Variants in CACNA1C observed in about 807,000 individuals in gnomAD.
CACNA1C encodes calcium voltage-gated channel subunit alpha1 C.
CACNA1C carries 30 observed loss-of-function variants against 229.0 expected under a neutral mutation model. The ratio of observed to expected loss-of-function variants is 0.13; its 90% CI spans 0.10 to 0.18. The LOEUF is 0.18. CACNA1C is among the 10% of genes least tolerant of loss of function. The pLI is 1.00. For missense variants in CACNA1C, 1,658 were observed against 2,845.0 expected (o/e 0.58, Z 9.49); for synonymous variants, 1,114 against 1,132.5 (o/e 0.98, Z 0.33).
intron 18 of CACNA1C, among the ~76,000 whole-genome samples, chr12:2,586,536 C>T (rs1160947830): frequency 6.6e-6 from 1 of 152,200 alleles, no homozygotes. Context: ...TGTGCAAGGC[C>T]TGGGCTTGCC....
At chr12:2,397,449 G>A (rs973420010) in intron 3 of CACNA1C, among the ~76,000 whole-genome samples, 19 of 152,232 alleles carry the variant, frequency 1.2e-4, no homozygotes, top group African/African-American at 4.6e-4. Flanking sequence ...GAGCTTTCAC[G>A]CTCTAGGAGC....
At chr12:2,188,201 C>T (rs79095696) in intron 3 of CACNA1C, among the ~76,000 whole-genome samples, 2,788 of 152,236 alleles carry the variant, frequency 0.018, 86 homozygotes, top group African/African-American at 0.062. Context: ...TCTGCCTTTC[C>T]GCATATCAAA....
chr12:2,146,970 C>T (rs1159201393), intron 3 of CACNA1C, among the ~76,000 whole-genome samples: 2 of 151,024 alleles, frequency 1.3e-5, no homozygotes, highest in Non-Finnish European at 3.0e-5. Context: ...CTTCCAGACA[C>T]AGGCAAAGGA....
At chr12:2,095,560 C>T (rs955544781) in intron 1 of CACNA1C, among the ~76,000 whole-genome samples, 1 of 152,244 alleles carries the variant, frequency 6.6e-6, no homozygotes, top group Non-Finnish European at 1.5e-5. Flanking sequence ...AGAATCCGGG[C>T]AGCACTGTAA....
Position 2,678,839 on chromosome 12 carries a change from C to T in CACNA1C, c.5092-605C>T, listed in dbSNP as rs2096959488. On this transcript the variant is annotated intron_variant, in intron 41 of 46. Coordinates refer to ENST00000399655, the MANE Select transcript of CACNA1C (RefSeq NM_000719.7). The surrounding 1 kb of genome is among the most constrained non-coding windows in gnomAD (Gnocchi z 4.1). ...ACAACCGTGCAAATAGCTACTTGCC[C>T]ACTTCCCCAGGACAAGGAAAAGAAT... Among the ~76,000 whole-genome samples the T allele has an allele frequency of 6.6e-6, 1 of 152,246 alleles. No individual in the cohort carries two copies. The highest frequency in any genetic ancestry group is 1.5e-5 in the Non-Finnish European group (1 of 68,048).
intron 1 of CACNA1C, among the ~76,000 whole-genome samples, chr12:2,097,349 T>G (rs1489560849): frequency 6.6e-6 from 1 of 151,912 alleles, no homozygotes; most frequent in Admixed American, 6.5e-5. Context: ...GGTTTCACCA[T>G]GTTAGCCAGG....
At chr12:2,187,915 C>T (rs570002089) in intron 3 of CACNA1C, among the ~76,000 whole-genome samples, 73 of 152,274 alleles carry the variant, frequency 4.8e-4, no homozygotes, top group Middle Eastern at 6.8e-3. Flanking sequence ...GAGCTGAGGG[C>T]GAGGAGGATG....
At chr12:2,176,871 G>A (rs1258861395) in intron 3 of CACNA1C, among the ~76,000 whole-genome samples, 5 of 152,264 alleles carry the variant, frequency 3.3e-5, no homozygotes, top group East Asian at 1.9e-4. Flanking sequence ...CTTTTGGACC[G>A]TCTTTACCAT....
At position 2,688,790 on chromosome 12, in the gene CACNA1C, C is replaced by T. The variant is rs1360974120; in HGVS notation, c.6117+11C>T. 7 of 1,495,784 alleles carry T rather than the reference C, an allele frequency of 4.7e-6. No homozygotes were observed. The highest frequency in any genetic ancestry group is 4.8e-5 in the East Asian group (2 of 41,282). 92.7% of individuals were successfully genotyped at this position (1,495,784 alleles called of 1,614,324 possible). ...AGCCTGGTGGAAGCGGTAGGTGACT[C>T]GCAGATGGGCAGGGGGGAGAGGCCA... On this transcript the variant is annotated intron_variant, in intron 46 of 46. Transcript: ENST00000399655.
At chr12:2,395,209 CTTT>C (rs5796003) in intron 3 of CACNA1C, among the ~76,000 whole-genome samples, 1 of 128,104 alleles carries the variant, frequency 7.8e-6, no homozygotes. Context: ...TTTTCTCTAG[CTTT>C]TTTTTTTTTT....
chr12:2,419,165 A>G (rs998667505), intron 3 of CACNA1C, among the ~76,000 whole-genome samples: 1 of 152,178 alleles, frequency 6.6e-6, no homozygotes, highest in African/African-American at 2.4e-5. Context: ...TGGGTAATTT[A>G]TAAGAAAAGA....
chr12:2,422,668 C>T (rs1397371302), intron 3 of CACNA1C, among the ~76,000 whole-genome samples: 1 of 152,226 alleles, frequency 6.6e-6, no homozygotes, highest in Admixed American at 6.5e-5. Flanking sequence ...TGAGTGCTAA[C>T]TCGTGTGGCC....
rs2153709181 is a variant in CACNA1C, at chr12:2,665,500, G to C, written c.4399-81G>C. ...GAAATGTTGGCTTCTGCCATCAGTA[G>C]GCCCCAGCTGGCAAGGGGGTTCCAG... On this transcript the variant is annotated intron_variant, in intron 35 of 46. Transcript: ENST00000399655. This position sits in a 1 kb window ranked among gnomAD's most constrained non-coding sequence, Gnocchi z 5.9. 1.3e-6 allele frequency: 2 copies of C among 1,492,840 alleles called. No individual in the cohort carries two copies. The highest frequency in any genetic ancestry group is 1.9e-6 in the Non-Finnish European group (2 of 1,079,304). The allele number at this position is 1,492,840 out of a possible 1,614,324, so 92.5% of individuals were successfully genotyped here. A position where few individuals can be genotyped will look rare whatever the true frequency, so the allele number is the denominator to read the frequency against.
intron 3 of CACNA1C, among the ~76,000 whole-genome samples, chr12:2,210,424 C>T (rs1448300159): frequency 6.6e-6 from 1 of 152,140 alleles, no homozygotes; most frequent in Non-Finnish European, 1.5e-5. Flanking sequence ...AAGACTTATG[C>T]CCTCTTTCTT....
intron 3 of CACNA1C, among the ~76,000 whole-genome samples, chr12:2,356,601 A>G (rs1369093238): frequency 1.3e-5 from 2 of 152,230 alleles, no homozygotes; most frequent in East Asian, 3.9e-4. Flanking sequence ...TTGTGTGAGC[A>G]CTCTGGTGAG....
intron 1 of CACNA1C, among the ~76,000 whole-genome samples, chr12:2,035,477 T>G (rs1594127060): frequency 6.6e-6 from 1 of 152,044 alleles, no homozygotes; most frequent in East Asian, 1.9e-4. Flanking sequence ...AAATAGACAT[T>G]TCCATTTCTT....
At chr12:2,327,602 G>A (rs907386131) in intron 3 of CACNA1C, among the ~76,000 whole-genome samples, 1 of 152,214 alleles carries the variant, frequency 6.6e-6, no homozygotes, top group Non-Finnish European at 1.5e-5. Flanking sequence ...GTTCTGAGAG[G>A]TGTTCGTGTG....
chr12:2,593,079 A>T, intron 18 of CACNA1C, 134 bp from the exon 19 acceptor site: 1 of 951,010 alleles, frequency 1.1e-6, no homozygotes, highest in East Asian at 2.7e-5. Context: ...ACAGGGAGAC[A>T]GCAGAATGTC....
intron 9 of CACNA1C, among the ~76,000 whole-genome samples, chr12:2,515,422 T>C (rs1428479431): frequency 6.6e-6 from 1 of 152,224 alleles, no homozygotes; most frequent in Non-Finnish European, 1.5e-5. Flanking sequence ...GATTGCTCTT[T>C]GAAACAAATA....
Sources: allele counts gnomAD v4.1 joint callset (sites outside exome capture counted in the v4.1 genomes callset), GRCh38; gene constraint gnomAD v4.1.1; non-coding constraint Gnocchi (gnomAD v3.1); transcripts MANE v1.5; gene names NCBI Gene and HGNC (gene_info 2026-07-23, HGNC 2026-07-21).